UBE2B: variants seen among roughly 807,000 people sequenced by gnomAD.
UBE2B encodes the protein ubiquitin-conjugating enzyme E2 B.
Under a neutral mutation model 24.6 loss-of-function variants are expected in UBE2B, and 11 were observed. That is an observed-to-expected ratio of 0.45 (90% confidence interval 0.28 to 0.74). The LOEUF is 0.74. Among genes scored for constraint, UBE2B ranks in the 30% least tolerant of loss-of-function variants. The probability of loss-of-function intolerance (pLI) is 0.13; values close to 1 mark genes in which losing one functional copy is unlikely to be tolerated. For synonymous variants in UBE2B, 68 were observed against 62.4 expected (o/e 1.09, Z -0.42); for missense variants, 78 against 185.6 (o/e 0.42, Z 3.37).
At chr5:134,378,677 T>G (rs1247720496) in intron 3 of UBE2B, among the ~76,000 whole-genome samples, 1 of 100,076 alleles carries the variant, frequency 1.0e-5, no homozygotes, top group Non-Finnish European at 2.9e-5. Context: ...AGTTGCAATT[T>G]GAATGACTTT....
In UBE2B at chr5:134,376,348, A is replaced by AAT. The variant is rs1190025064; in HGVS notation, c.126-305_126-304dup. ...AAAAAAAAAAAAAAAAAAAAAAAAAAATATATATATATATATACACATATG... is the reference window on the plus strand; with the variant it reads ...AAAAAAAAAAAAAAAAAAAAAAAAAAATATATATATATATATATACACATATG... On this transcript the variant is annotated intron_variant, in intron 2 of 5. Coordinates refer to ENST00000265339, the MANE Select transcript of UBE2B (RefSeq NM_003337.4). Among the ~76,000 whole-genome samples the AAT allele has an allele frequency of 9.0e-3, 43 of 4,776 alleles. 10 individuals carry two copies. The highest frequency in any genetic ancestry group is 0.032 in the East Asian group (4 of 126). 3.1% of individuals were successfully genotyped at this position (4,776 alleles called of 152,430 possible).
chr5:134,388,401 A>G lies in UBE2B; in HGVS notation c.318A>G (p.Leu106=), dbSNP rs1177645361. ...CAACATATGATGTATCTTCTATCTT[A>G]ACATCAATTCAGGTAAGTGTGTGTT... ...WSPTYDVSSI[L]TSIQSLLDEP... Residue 106 remains leucine, a synonymous_variant, in exon 5 of 6, where the codon TTA becomes TTG. Coordinates refer to ENST00000265339, the MANE Select transcript of UBE2B (RefSeq NM_003337.4). 1 of 1,613,724 alleles carries G rather than the reference A, an allele frequency of 6.2e-7. No individual in the cohort carries two copies. The highest frequency in any genetic ancestry group is 1.1e-5 in the South Asian group (1 of 91,076).
At chr5:134,383,156 T>TC (rs1308349847) in intron 4 of UBE2B, among the ~76,000 whole-genome samples, 1 of 152,106 alleles carries the variant, frequency 6.6e-6, no homozygotes, top group African/African-American at 2.4e-5. Context: ...AGAGCAAGAC[T>TC]CCATCTCAAA....
chr5:134,374,365 A>T lies in UBE2B; in HGVS notation c.45-18A>T, dbSNP rs1470778307. On this transcript the variant is annotated intron_variant, in intron 1 of 5. Transcript: ENST00000265339. The stretch of plus-strand genomic sequence containing the variant: ...GCCTTAATGTTCAACTTTTTAAATT[A>T]CCACGCTGGATTTCCAGGTTACAAG... 3.2e-6 allele frequency: 5 copies of T among 1,551,990 alleles called. No individual in the cohort carries two copies. In the South Asian group the frequency reaches 5.9e-5, roughly 18 times the overall value.
rs757350439 is a variant in UBE2B at position 134,390,368 on chromosome 5, G to A, written c.*15G>A. ...ATGATTCATAATAGACAACTGGTCT[G>A]TTAATCTTTTTCATCATTGTTGTGT... On this transcript the variant is annotated 3_prime_UTR_variant, in exon 6 of 6. Transcript: ENST00000265339. This position sits in a 1 kb window ranked among gnomAD's most constrained non-coding sequence, Gnocchi z 4.6. 6 of 1,613,362 alleles carry A rather than the reference G, an allele frequency of 3.7e-6. No individual in the cohort carries two copies. In the African/African-American group the frequency reaches 8.0e-5, roughly 22 times the overall value.
In UBE2B at chr5:134,391,466, C is replaced by G. The variant is rs1758895301; in HGVS notation, c.*1113C>G. On this transcript the variant is annotated 3_prime_UTR_variant, in exon 6 of 6. Coordinates refer to ENST00000265339, the MANE Select transcript of UBE2B (RefSeq NM_003337.4). ...AACACAGTATTGTAGAAAGCTAATACAAAACTATCCTATGCCTTCAAATAG... is the reference window on the plus strand; with the variant it reads ...AACACAGTATTGTAGAAAGCTAATAGAAAACTATCCTATGCCTTCAAATAG... 6.6e-6 allele frequency: 1 copy of G among 152,382 alleles called. No homozygotes were observed. The highest frequency in any genetic ancestry group is 2.4e-5 in the African/African-American group (1 of 41,358). The allele number at this position is 152,382 out of a possible 1,614,324, so 9.4% of individuals were successfully genotyped here.
chr5:134,371,631 T>C lies in UBE2B; in HGVS notation c.36T>C (p.Asp12=). The C allele has an allele frequency of 6.2e-7, 1 of 1,612,726 alleles. No individual in the cohort carries two copies. Among genetic ancestry groups the C allele is most frequent in the Non-Finnish European group, 8.5e-7 (1 of 1,179,748 alleles). ...CGGCCCGGAGGAGGCTCATGCGGGA[T>C]TTCAAGCGGTAAGGGCCTTCACCTT... ...STPARRRLMR[D]FKRLQEDPPV... is the part of the protein sequence containing the mutation. Residue 12 remains aspartate, a synonymous_variant, in exon 1 of 6, where the codon GAT becomes GAC. Transcript: ENST00000265339.
intron 4 of UBE2B, among the ~76,000 whole-genome samples, chr5:134,382,020 A>T (rs1176837255): frequency 8.5e-5 from 13 of 152,066 alleles, no homozygotes; most frequent in Admixed American, 8.5e-4. Flanking sequence ...AGGCTAAGGC[A>T]GGAGGGTGGC....
chr5:134,388,796 T>C (rs903753547), intron 5 of UBE2B, among the ~76,000 whole-genome samples: 1 of 152,186 alleles, frequency 6.6e-6, no homozygotes, highest in African/African-American at 2.4e-5. Context: ...CGAAGCAGTC[T>C]GGCAGAATAT....
rs761076720 is a variant in UBE2B, at chr5:134,376,099, TG to T, written c.126-569del. Among the ~76,000 whole-genome samples, 57 of 150,834 alleles carry T rather than the reference TG, an allele frequency of 3.8e-4. 1 individual carries two copies. The highest frequency in any genetic ancestry group is 4.7e-4 in the Admixed American group (7 of 15,030). On this transcript the variant is annotated intron_variant, in intron 2 of 5. Coordinates refer to ENST00000265339, the MANE Select transcript of UBE2B (RefSeq NM_003337.4). ...TCTAAATCCCAGCACTTTGGGAGGC[TG>T]CGATGAGTGGATCACCTGAGGTCAG... is the stretch of plus-strand genomic sequence containing the variant.
At chr5:134,387,950 G>A (rs1758833244) in intron 4 of UBE2B, among the ~76,000 whole-genome samples, 1 of 152,070 alleles carries the variant, frequency 6.6e-6, no homozygotes, top group Non-Finnish European at 1.5e-5. Context: ...TTACAGGCAT[G>A]TGCCACCATG....
intron 4 of UBE2B, among the ~76,000 whole-genome samples, chr5:134,386,805 A>G (rs575777746): frequency 2.0e-4 from 31 of 152,244 alleles, no homozygotes; most frequent in African/African-American, 6.7e-4. Context: ...TTAAAAACTT[A>G]TTTTTAAGGT....
intron 1 of UBE2B, among the ~76,000 whole-genome samples, 200 bp downstream of exon 1, chr5:134,371,839 C>G (rs1327404277): frequency 6.6e-6 from 1 of 152,224 alleles, no homozygotes; most frequent in Non-Finnish European, 1.5e-5. Flanking sequence ...AATTTTGATA[C>G]TGCTTCCCCT....
intron 1 of UBE2B, 60 bp downstream of exon 1, chr5:134,371,699 T>G: frequency 6.2e-7 from 1 of 1,608,490 alleles, no homozygotes. Context: ...CTGCAGGGCG[T>G]GGATCCCAGA....
intron 4 of UBE2B, among the ~76,000 whole-genome samples, chr5:134,384,752 C>T (rs1758768327): frequency 2.0e-5 from 3 of 152,110 alleles, no homozygotes; most frequent in Admixed American, 1.3e-4. Flanking sequence ...TTGTACAACT[C>T]AAATGGTTTT....
In UBE2B at chr5:134,376,736, A is replaced by G. The variant is rs750401006; in HGVS notation, c.151+42A>G. ...ATGTTTTCTATAGTGTTATGAGGTT[A>G]CTTTTTAGTAGAAAATTGTAACACC... On this transcript the variant is annotated intron_variant, in intron 3 of 5. Coordinates refer to ENST00000265339, the MANE Select transcript of UBE2B (RefSeq NM_003337.4). 6 of 1,554,650 alleles carry G rather than the reference A, an allele frequency of 3.9e-6. No individual in the cohort carries two copies. In the South Asian group the frequency reaches 7.5e-5, roughly 19 times the overall value.
intron 4 of UBE2B, 103 bp downstream of exon 4, chr5:134,380,911 A>T: frequency 1.2e-4 from 61 of 492,982 alleles, no homozygotes; most frequent in East Asian, 4.2e-4. Context: ...GCTCACTTGT[A>T]GGTGTTGCTT....
At chr5:134,372,191 G>T (rs887917661) in intron 1 of UBE2B, among the ~76,000 whole-genome samples, 112 of 152,290 alleles carry the variant, frequency 7.4e-4, no homozygotes, top group African/African-American at 2.6e-3. Flanking sequence ...ACCCGACTCT[G>T]TCCCCGCCCG....
chr5:134,373,011 T>C (rs1758515674), intron 1 of UBE2B, among the ~76,000 whole-genome samples: 1 of 152,202 alleles, frequency 6.6e-6, no homozygotes, highest in African/African-American at 2.4e-5. Context: ...CTTACTGTAA[T>C]GCTCTGCTTA....
Sources: gnomAD v4.1 joint callset for allele counts (sites outside exome capture counted in the v4.1 genomes callset) on GRCh38, gnomAD v4.1.1 for gene constraint, Gnocchi (gnomAD v3.1) non-coding constraint, MANE v1.5 for transcripts, NCBI Gene and HGNC (gene_info 2026-07-23, HGNC 2026-07-21) for gene names.